Variants in SGCZ observed in about 807,000 individuals in gnomAD.
The protein encoded by SGCZ is sarcoglycan zeta, also known as zeta-sarcoglycan.
Under a neutral mutation model 41.3 loss-of-function variants are expected in SGCZ, and 40 were observed. The ratio of observed to expected loss-of-function variants is 0.97; its 90% confidence interval spans 0.75 to 1.26. The LOEUF (loss-of-function observed/expected upper bound fraction) is 1.26, where lower values mean the gene tolerates loss of function less well. SGCZ is among the 50% of genes most tolerant of loss of function. The pLI is 0.00. For synonymous variants in SGCZ, 206 were observed against 137.5 expected (o/e 1.50, Z -3.49); for missense variants, 552 against 369.8 (o/e 1.49, Z -4.04).
At chr8:14,823,014 A>C (rs1453761473) in intron 1 of SGCZ, among the ~76,000 whole-genome samples, 1 of 142,772 alleles carries the variant, frequency 7.0e-6, no homozygotes, top group Admixed American at 7.7e-5. Context: ...AGATCGCGCC[A>C]CTGCACTCCA....
chr8:14,163,103 T>C (rs1047228084), intron 5 of SGCZ, among the ~76,000 whole-genome samples: 4 of 152,166 alleles, frequency 2.6e-5, no homozygotes, highest in African/African-American at 9.7e-5. Context: ...AACCAAGCGA[T>C]TCTCTCACCT....
At chr8:14,617,221 A>G (rs914675485) in intron 1 of SGCZ, among the ~76,000 whole-genome samples, 2 of 152,138 alleles carry the variant, frequency 1.3e-5, no homozygotes, top group African/African-American at 4.8e-5. Context: ...TATTGTCAAC[A>G]TATGTGTTTA....
At chr8:14,184,061 C>T (rs1804821770) in intron 4 of SGCZ, among the ~76,000 whole-genome samples, 1 of 152,050 alleles carries the variant, frequency 6.6e-6, no homozygotes, top group Admixed American at 6.6e-5. Flanking sequence ...GCATTATGCA[C>T]AACAGAATTA....
At chr8:14,713,638 T>C (rs1809592964) in intron 1 of SGCZ, among the ~76,000 whole-genome samples, 1 of 115,274 alleles carries the variant, frequency 8.7e-6, no homozygotes, top group South Asian at 2.7e-4. Flanking sequence ...GATCAGGAAA[T>C]AAAACAAAAG....
At chr8:14,620,286 A>G (rs1373941611) in intron 1 of SGCZ, among the ~76,000 whole-genome samples, 1 of 152,168 alleles carries the variant, frequency 6.6e-6, no homozygotes, top group Non-Finnish European at 1.5e-5. Flanking sequence ...ACAAAAATTA[A>G]TTCAAGATGG....
chr8:14,156,628 A>C (rs780631875), intron 5 of SGCZ, among the ~76,000 whole-genome samples: 1 of 152,096 alleles, frequency 6.6e-6, no homozygotes, highest in Non-Finnish European at 1.5e-5. Flanking sequence ...AAACTAAACT[A>C]TTTCTTTCTT....
intron 4 of SGCZ, among the ~76,000 whole-genome samples, chr8:14,203,155 G>T (rs1238080205): frequency 2.0e-5 from 3 of 152,114 alleles, no homozygotes; most frequent in African/African-American, 7.2e-5. Context: ...TTTGTAAATT[G>T]CCCAGTCCCA....
At chr8:14,919,905 G>A (rs1042687557) in intron 1 of SGCZ, among the ~76,000 whole-genome samples, 3 of 152,098 alleles carry the variant, frequency 2.0e-5, no homozygotes, top group Non-Finnish European at 4.4e-5. Context: ...GTAACAGAGT[G>A]AGACTCTGTT....
At chr8:14,240,445 G>C (rs1240503644) in intron 3 of SGCZ, among the ~76,000 whole-genome samples, 1 of 151,198 alleles carries the variant, frequency 6.6e-6, no homozygotes, top group Non-Finnish European at 1.5e-5. Flanking sequence ...ATTTGTTGAA[G>C]TTCTGTCTCT....
intron 1 of SGCZ, among the ~76,000 whole-genome samples, chr8:14,800,122 C>A (rs1801272840): frequency 6.6e-6 from 1 of 150,686 alleles, no homozygotes; most frequent in Non-Finnish European, 1.5e-5. Context: ...CCAGCATCTA[C>A]ACTTTTTCAA....
intron 4 of SGCZ, among the ~76,000 whole-genome samples, chr8:14,212,537 C>T (rs1805853010): frequency 6.7e-6 from 1 of 148,608 alleles, no homozygotes; most frequent in South Asian, 2.1e-4. Flanking sequence ...CATCATCCCA[C>T]AAAGTAGGCC....
rs118108050 is a variant in SGCZ at position 14,263,193 on chromosome 8, A to C, written c.337-25514T>G. 1.2e-4 allele frequency among the ~76,000 whole-genome samples: 18 copies of C among 152,356 alleles called. No homozygotes were observed. The Middle Eastern group carries it at 0.01, about 86-fold the overall frequency. ...TTCAACAAATCGTAAGTGTAAATAAAAGTATAGTAGTTTATGAGAGGTTAA... is the reference window on the plus strand; with the variant it reads ...TTCAACAAATCGTAAGTGTAAATAACAGTATAGTAGTTTATGAGAGGTTAA... On this transcript the variant is annotated intron_variant, in intron 3 of 7. Coordinates refer to ENST00000382080, the MANE Select transcript of SGCZ (RefSeq NM_139167.4).
At chr8:15,233,470 A>G (rs930661761) in intron 1 of SGCZ, among the ~76,000 whole-genome samples, 2 of 151,972 alleles carry the variant, frequency 1.3e-5, no homozygotes, top group Non-Finnish European at 2.9e-5. Flanking sequence ...TTGTTTAAAT[A>G]CCTATGTATT....
At chr8:14,514,468 T>G (rs926262072) in intron 2 of SGCZ, among the ~76,000 whole-genome samples, 2 of 151,864 alleles carry the variant, frequency 1.3e-5, no homozygotes, top group Non-Finnish European at 2.9e-5. Context: ...AGAATATGTA[T>G]ACATTAAGGA....
intron 1 of SGCZ, among the ~76,000 whole-genome samples, chr8:15,216,068 T>A (rs1164475744): frequency 6.6e-6 from 1 of 152,026 alleles, no homozygotes; most frequent in African/African-American, 2.4e-5. Context: ...CCAGAACATC[T>A]CAAGTGTGGC....
intron 2 of SGCZ, among the ~76,000 whole-genome samples, chr8:14,467,270 A>C (rs1038567250): frequency 6.6e-6 from 1 of 151,976 alleles, no homozygotes; most frequent in African/African-American, 2.4e-5. Context: ...AAAAAAAGAG[A>C]AAAATAAGTG....
At chr8:14,101,997 A>C (rs571148656) in intron 7 of SGCZ, among the ~76,000 whole-genome samples, 1 of 151,042 alleles carries the variant, frequency 6.6e-6, no homozygotes, top group South Asian at 2.1e-4. Context: ...AATGGGAGTG[A>C]ATGGGTTGAC....
At chr8:14,261,611 A>C (rs900665897) in intron 3 of SGCZ, among the ~76,000 whole-genome samples, 3 of 152,184 alleles carry the variant, frequency 2.0e-5, no homozygotes, top group Non-Finnish European at 4.4e-5. Flanking sequence ...AGCTAAGTGG[A>C]TGTTTATAGT....
In SGCZ at chr8:14,982,172, AG is replaced by A. The variant is rs1324050332; in HGVS notation, c.39+255412del. ...GACTCTGTCTCAAAAAAAAAAAAAAAGGAAATGACATTATTTGAAAATACAA... is the reference window on the plus strand; with the variant it reads ...GACTCTGTCTCAAAAAAAAAAAAAAAGAAATGACATTATTTGAAAATACAA... On this transcript the variant is annotated intron_variant, in intron 1 of 7. Transcript: ENST00000382080. Among the ~76,000 whole-genome samples the A allele has an allele frequency of 7.3e-5, 10 of 137,912 alleles. No individual in the cohort carries two copies. In the East Asian group the frequency reaches 1.9e-3, roughly 27 times the overall value. The allele number at this position is 137,912 out of a possible 152,430, so 90.5% of individuals were successfully genotyped here. A position where few individuals can be genotyped will look rare whatever the true frequency, so the allele number is the denominator to read the frequency against.
Sources: allele counts gnomAD v4.1 joint callset (sites outside exome capture counted in the v4.1 genomes callset), GRCh38; gene constraint gnomAD v4.1.1; transcripts MANE v1.5; gene names NCBI Gene and HGNC (gene_info 2026-07-23, HGNC 2026-07-21).